Variants in NMNAT1 observed in about 807,000 individuals in gnomAD.
The protein encoded by NMNAT1 is nicotinamide/nicotinic acid mononucleotide adenylyltransferase 1.
A neutral mutation model predicts 16.7 loss-of-function variants in NMNAT1; 11 were observed. The ratio of observed to expected loss-of-function variants is 0.66; its 90% CI spans 0.41 to 1.09. The LOEUF (loss-of-function observed/expected upper bound fraction) is 1.09. NMNAT1 is among the 50% of genes least tolerant of loss of function. NMNAT1 has a pLI of 0.00. For missense variants in NMNAT1, 280 were observed against 332.3 expected (o/e 0.84, Z 1.22); for synonymous variants, 110 against 119.8 (o/e 0.92, Z 0.53).
At position 9,966,125 on chromosome 1, in the gene NMNAT1, C is replaced by G. The variant is rs1166280914; in HGVS notation, c.-56-5893C>G. 2.0e-5 allele frequency among the ~76,000 whole-genome samples: 3 copies of G among 151,044 alleles called. No individual in the cohort carries two copies. In the East Asian group the frequency reaches 5.9e-4, roughly 30 times the overall value. Reference sequence around the variant, plus strand: ...ACCAGCCTGGCCAACATGGTGAAACCCCGTCTCTACCAAAAATACGAAAAT... The same window carrying G: ...ACCAGCCTGGCCAACATGGTGAAACGCCGTCTCTACCAAAAATACGAAAAT... On this transcript the variant is annotated intron_variant, in intron 1 of 4. Transcript: ENST00000377205.
intron 1 of NMNAT1, among the ~76,000 whole-genome samples, chr1:9,959,381 A>G (rs1459536842): frequency 7.0e-3 from 16 of 2,274 alleles, no homozygotes; most frequent in Admixed American, 0.048. Flanking sequence ...TGGAAAAAAA[A>G]AAAAAAAAAA....
intron 3 of NMNAT1, among the ~76,000 whole-genome samples, chr1:9,978,411 CCTT>C (rs1009603543): frequency 2.0e-5 from 3 of 152,342 alleles, no homozygotes; most frequent in South Asian, 2.1e-4. Flanking sequence ...CCTCTGTCCT[CCTT>C]CTGCCTTCCA....
chr1:9,954,024 T>C (rs530156899), intron 1 of NMNAT1, among the ~76,000 whole-genome samples: 5 of 151,308 alleles, frequency 3.3e-5, no homozygotes, highest in Non-Finnish European at 4.4e-5. Context: ...CAGGCTGGTC[T>C]TGAACTCCTG....
At chr1:9,952,643 T>C (rs1467723303) in intron 1 of NMNAT1, among the ~76,000 whole-genome samples, 1 of 152,034 alleles carries the variant, frequency 6.6e-6, no homozygotes, top group Non-Finnish European at 1.5e-5. Context: ...GTTCAAGTGA[T>C]TCTCCTGCCT....
chr1:9,959,201 A>G (rs576461299), intron 1 of NMNAT1, among the ~76,000 whole-genome samples: 2 of 152,100 alleles, frequency 1.3e-5, no homozygotes, highest in African/African-American at 4.8e-5. Flanking sequence ...CTGAAACCCC[A>G]TCTCTACTAA....
rs1053919899 is a variant in NMNAT1 at position 9,982,311 on chromosome 1, G to C, written c.450G>C (p.Lys150Asn). ...TTTTATTCTTCCCAGCTGTGCCAAA[G>C]GTCAAGCTGCTGTGTGGGGCAGATT... ...SLEPKTKAVP[K>N]VKLLCGADLL... Residue 150 changes from lysine (K) to asparagine (N), a missense_variant, in exon 5 of 5, where the codon AAG (lysine) becomes AAC (asparagine). Lys to Asn is a moderately conservative substitution (Grantham distance 94, BLOSUM62 0). Transcript: ENST00000377205. 1 of 1,611,838 alleles carries C rather than the reference G, an allele frequency of 6.2e-7. No individual in the cohort carries two copies.
Position 9,956,397 on chromosome 1 carries a change from C to T in NMNAT1, c.-57+12882C>T, listed in dbSNP as rs548969052. Among the ~76,000 whole-genome samples, 4 of 149,924 alleles carry T rather than the reference C, an allele frequency of 2.7e-5. No homozygotes were observed. The East Asian group carries it at 7.9e-4, about 29-fold the overall frequency. The stretch of plus-strand genomic sequence containing the variant: ...TGTTGGCCATGCTGATCTCGAACCC[C>T]TGACCTCAAGTGATTGGTCTACCTT... On this transcript the variant is annotated intron_variant, in intron 1 of 4. Transcript: ENST00000377205.
the NMNAT1 span, among the ~76,000 whole-genome samples, chr1:9,992,337 C>T: frequency 6.6e-6 from 1 of 151,922 alleles, no homozygotes; most frequent in African/African-American, 2.4e-5. Flanking sequence ...CCCTCCTCGG[C>T]CCCAAAATGC....
At chr1:9,985,531 G>A (rs1471283723), downstream of NMNAT1, 1 of 152,164 alleles carries the variant, frequency 6.6e-6, no homozygotes, top group Non-Finnish European at 1.5e-5. Flanking sequence ...TGAGTCCGAC[G>A]TATTCAGTCC....
intron 1 of NMNAT1, among the ~76,000 whole-genome samples, chr1:9,957,685 T>G (rs186061110): frequency 1.1e-3 from 165 of 152,300 alleles, no homozygotes; most frequent in Non-Finnish European, 1.8e-3. Context: ...AAATGACTTA[T>G]TTTACACAGA....
chr1:9,965,452 G>A (rs543309328), intron 1 of NMNAT1, among the ~76,000 whole-genome samples: 2 of 151,698 alleles, frequency 1.3e-5, no homozygotes, highest in South Asian at 4.2e-4. Flanking sequence ...CACCCAGGCT[G>A]GAGTGCAGTG....
At chr1:9,953,843 T>C (rs1443052930) in intron 1 of NMNAT1, among the ~76,000 whole-genome samples, 2 of 135,380 alleles carry the variant, frequency 1.5e-5, no homozygotes, top group Admixed American at 1.6e-4. Context: ...TCTTGCTCTC[T>C]TGCCCAGGCT....
In NMNAT1 at chr1:9,982,281, C is replaced by T; in HGVS notation, c.440-20C>T. 6.3e-7 allele frequency: 1 copy of T among 1,589,508 alleles called. No individual in the cohort carries two copies. Among genetic ancestry groups the T allele is most frequent in the Non-Finnish European group, 8.6e-7 (1 of 1,167,528 alleles). ...GGGGAAGAAAAAGCATACCCCAAAG[C>T]TCTGTTTTATTCTTCCCAGCTGTGC... On this transcript the variant is annotated intron_variant, in intron 4 of 4. Transcript: ENST00000377205.
chr1:9,996,180 G>A, the NMNAT1 span, among the ~76,000 whole-genome samples: 1 of 151,040 alleles, frequency 6.6e-6, no homozygotes, highest in African/African-American at 2.4e-5. Context: ...GCGTGTTGGC[G>A]GGCGCCTGTA....
intron 1 of NMNAT1, among the ~76,000 whole-genome samples, chr1:9,943,825 C>T (rs561005721): frequency 1.3e-5 from 2 of 152,260 alleles, no homozygotes; most frequent in South Asian, 4.1e-4. Flanking sequence ...GGAGGAAATC[C>T]TTCATTCCGA....
intron 1 of NMNAT1, among the ~76,000 whole-genome samples, chr1:9,946,753 T>C (rs987396494): frequency 2.0e-5 from 3 of 152,092 alleles, no homozygotes; most frequent in Non-Finnish European, 2.9e-5. Flanking sequence ...CCGATAGGAC[T>C]AGTGTCCTTA....
chr1:9,968,305 C>T (rs1216444478), intron 1 of NMNAT1, among the ~76,000 whole-genome samples: 1 of 151,334 alleles, frequency 6.6e-6, no homozygotes, highest in African/African-American at 2.4e-5. Context: ...ATCTCCTGAC[C>T]TCGTGATCTG....
chr1:9,949,852 G>A (rs1641067897), intron 1 of NMNAT1: 2 of 151,988 alleles, frequency 1.3e-5, no homozygotes, highest in African/African-American at 4.8e-5. Context: ...TCATTACTAA[G>A]ATTTCTATTT....
chr1:9,988,149 C>G (rs749193112), downstream of NMNAT1, among the ~76,000 whole-genome samples: 7 of 151,932 alleles, frequency 4.6e-5, no homozygotes, highest in Non-Finnish European at 8.8e-5. Flanking sequence ...AAGCGCACAC[C>G]ACCGTGCCCA....
Sources: gnomAD v4.1 joint callset for allele counts (sites outside exome capture counted in the v4.1 genomes callset) on GRCh38, gnomAD v4.1.1 for gene constraint, MANE v1.5 for transcripts, NCBI Gene and HGNC (gene_info 2026-07-23, HGNC 2026-07-21) for gene names.